The following PDE3A variants were observed in gnomAD, a reference collection of about 807,000 sequenced individuals.
PDE3A encodes the protein phosphodiesterase 3A, also known as cGMP-inhibited 3',5'-cyclic phosphodiesterase 3A.
In PDE3A, 43 loss-of-function variants were observed where a neutral mutation model predicts 98.3. The ratio of observed to expected loss-of-function variants is 0.44; its 90% CI spans 0.34 to 0.56. The LOEUF is 0.56. Ranked by LOEUF, PDE3A falls within the 20% of genes least tolerant of loss-of-function variation. The pLI, the probability that PDE3A is intolerant of heterozygous loss-of-function variation, is 0.01. For missense variants in PDE3A, 1,427 were observed against 1,440.7 expected, an observed-to-expected ratio of 0.99 and a Z score of 0.15; for synonymous variants, 663 against 567.9, an observed-to-expected ratio of 1.17 and a Z score of -2.38.
At chr12:20,591,881 T>C (rs1443999013) in intron 2 of PDE3A, among the ~76,000 whole-genome samples, 1 of 152,198 alleles carries the variant, frequency 6.6e-6, no homozygotes. Flanking sequence ...AGTAAGAAAG[T>C]CTACCTGGGC....
intron 1 of PDE3A, among the ~76,000 whole-genome samples, chr12:20,473,932 A>G (rs776164190): frequency 6.6e-6 from 1 of 152,202 alleles, no homozygotes; most frequent in Admixed American, 6.5e-5. Flanking sequence ...TATTATCAAC[A>G]ATATGAATAA....
chr12:20,667,717 G>A (rs1007717071), intron 15 of PDE3A, among the ~76,000 whole-genome samples: 1 of 152,048 alleles, frequency 6.6e-6, no homozygotes, highest in South Asian at 2.1e-4. Flanking sequence ...CTCCATCTTT[G>A]TTCTTTTCGT....
intron 1 of PDE3A, among the ~76,000 whole-genome samples, chr12:20,385,298 G>A (rs1943734524): frequency 6.6e-6 from 1 of 152,026 alleles, no homozygotes; most frequent in Admixed American, 6.6e-5. Flanking sequence ...GACAGGTGCT[G>A]GAGAAGATGT....
At chr12:20,416,166 C>T (rs1009736946) in intron 1 of PDE3A, among the ~76,000 whole-genome samples, 5 of 152,074 alleles carry the variant, frequency 3.3e-5, no homozygotes, top group Non-Finnish European at 5.9e-5. Flanking sequence ...TGAAAATTTC[C>T]CAAGTTGGTA....
chr12:20,621,315 C>G lies in PDE3A; in HGVS notation c.1444C>G (p.Pro482Ala). ...PSSSPDSWNN[P>A]VMMTLTKSRS... ...TTTTAGTCCTGATTCTTGGAATAAT[C>G]CAGTGATGATGACCCTCACCAAAAG... Residue 482 changes from proline to alanine, a missense_variant, in exon 5 of 16, where the codon CCA (proline) becomes GCA (alanine). Pro to Ala is a conservative substitution (Grantham distance 27). Coordinates refer to ENST00000359062, the MANE Select transcript of PDE3A (RefSeq NM_000921.5). 1 of 1,589,586 alleles carries G rather than the reference C, an allele frequency of 6.3e-7. No individual in the cohort carries two copies. The highest frequency in any genetic ancestry group is 8.6e-7 in the Non-Finnish European group (1 of 1,158,018).
At chr12:20,592,380 G>A (rs952099363) in intron 2 of PDE3A, among the ~76,000 whole-genome samples, 1 of 152,100 alleles carries the variant, frequency 6.6e-6, no homozygotes, top group Admixed American at 6.5e-5. Context: ...GTAAATAAAA[G>A]GAATTCGAAC....
intron 1 of PDE3A, among the ~76,000 whole-genome samples, chr12:20,468,531 G>A (rs1591963448): frequency 6.6e-6 from 1 of 152,156 alleles, no homozygotes; most frequent in East Asian, 1.9e-4. Flanking sequence ...ATATAAACAT[G>A]CCAGAGATGA....
chr12:20,530,633 T>G (rs1946608315), intron 1 of PDE3A, among the ~76,000 whole-genome samples: 1 of 152,088 alleles, frequency 6.6e-6, no homozygotes, highest in African/African-American at 2.4e-5. Context: ...ACGCCTAGCT[T>G]AAAATATATT....
At chr12:20,405,750 C>T (rs1278065222) in intron 1 of PDE3A, among the ~76,000 whole-genome samples, 5 of 152,162 alleles carry the variant, frequency 3.3e-5, no homozygotes, top group African/African-American at 1.2e-4. Context: ...GGCGACCATA[C>T]TTAAAGTCTG....
chr12:20,380,652 G>A (rs113615631), intron 1 of PDE3A, among the ~76,000 whole-genome samples: 1 of 151,644 alleles, frequency 6.6e-6, no homozygotes. Context: ...AAGTGATTTC[G>A]AACCTTATGG....
rs138393409 is a variant in PDE3A, at chr12:20,369,901, T to G, written c.617T>G (p.Leu206Arg). 1.2e-6 allele frequency: 2 copies of G among 1,613,246 alleles called. No homozygotes were observed. Among genetic ancestry groups the G allele is most frequent in the African/African-American group, 2.7e-5 (2 of 74,924 alleles). ...SCLAAATWLV[L>R]RLRLGVLMIA... ...TTGGCCGCCGCGACATGGCTGGTGC[T>G]GAGGCTGAGGCTGGGCGTCCTCATG... Residue 206 changes from leucine to arginine, a missense_variant, in exon 1 of 16, where the codon CTG (leucine) becomes CGG (arginine). Coordinates refer to ENST00000359062, the MANE Select transcript of PDE3A (RefSeq NM_000921.5).
At chr12:20,443,574 A>G (rs954540797) in intron 1 of PDE3A, among the ~76,000 whole-genome samples, 4 of 152,306 alleles carry the variant, frequency 2.6e-5, no homozygotes, top group Non-Finnish European at 4.4e-5. Flanking sequence ...TAAAAATTGC[A>G]TAAGACTAAC....
intron 15 of PDE3A, among the ~76,000 whole-genome samples, chr12:20,660,404 T>C (rs1945138823): frequency 6.6e-6 from 1 of 152,120 alleles, no homozygotes; most frequent in South Asian, 2.1e-4. Context: ...GGAAGCAACT[T>C]TGGAACACAG....
chr12:20,519,309 C>A (rs1946379952), intron 1 of PDE3A, among the ~76,000 whole-genome samples: 1 of 152,158 alleles, frequency 6.6e-6, no homozygotes, highest in Admixed American at 6.5e-5. Flanking sequence ...GTTGTGCACA[C>A]AGAGTCTGTG....
intron 1 of PDE3A, among the ~76,000 whole-genome samples, chr12:20,453,334 C>T (rs1436369371): frequency 1.3e-5 from 2 of 151,868 alleles, no homozygotes; most frequent in Non-Finnish European, 2.9e-5. Flanking sequence ...CCATCATGCC[C>T]GGCTAATTTT....
At chr12:20,481,744 G>A (rs745977528) in intron 1 of PDE3A, among the ~76,000 whole-genome samples, 8 of 135,248 alleles carry the variant, frequency 5.9e-5, no homozygotes, top group African/African-American at 8.6e-5. Context: ...GATTCTCCAT[G>A]TAAGTGACTT....
intron 5 of PDE3A, among the ~76,000 whole-genome samples, chr12:20,627,798 A>T (rs939556271): frequency 6.6e-6 from 1 of 152,198 alleles, no homozygotes; most frequent in African/African-American, 2.4e-5. Context: ...AGCAAGACTC[A>T]CAATAACTAC....
At chr12:20,403,323 C>T (rs1232768565) in intron 1 of PDE3A, among the ~76,000 whole-genome samples, 1 of 152,170 alleles carries the variant, frequency 6.6e-6, no homozygotes, top group Non-Finnish European at 1.5e-5. Flanking sequence ...TTACAGTTAG[C>T]TGTCCGGTGT....
Position 20,646,940 on chromosome 12 carries a change from G to C in PDE3A, c.2555G>C (p.Ser852Thr). 1.2e-6 allele frequency: 2 copies of C among 1,610,824 alleles called. No individual in the cohort carries two copies. The highest frequency in any genetic ancestry group is 8.5e-7 in the Non-Finnish European group (1 of 1,177,080). Residue 852 changes from serine (S) to threonine (T), a missense_variant, in exon 12 of 16, where the codon AGT becomes ACT. Transcript: ENST00000359062. ...GRTNAFLVATSAPQAVLYNDR... is the reference protein window; with the variant it reads ...GRTNAFLVATTAPQAVLYNDR... The stretch of plus-strand genomic sequence containing the variant: ...ACTAATGCTTTCCTGGTTGCAACTA[G>C]TGCTCCTCAGGTAAATCTTTAGATT...
Sources: gnomAD v4.1 joint callset for allele counts (sites outside exome capture counted in the v4.1 genomes callset) on GRCh38, gnomAD v4.1.1 for gene constraint, MANE v1.5 for transcripts, NCBI Gene and HGNC (gene_info 2026-07-23, HGNC 2026-07-21) for gene names.